Variants in PCDH20 observed in about 807,000 individuals in gnomAD.
PCDH20 encodes protocadherin 20.
Under a neutral mutation model 39.7 loss-of-function variants are expected in PCDH20, and 18 were observed. The observed-to-expected ratio is 0.45, with a 90% confidence interval of 0.31 to 0.67. PCDH20 has a LOEUF of 0.67. Ranked by LOEUF, PCDH20 falls within the 30% of genes least tolerant of loss-of-function variation. PCDH20 has a pLI of 0.05. For synonymous variants in PCDH20, 495 were observed against 455.4 expected (o/e 1.09, Z -1.11); for missense variants, 1,161 against 1,167.4 (o/e 0.99, Z 0.08).
exon 2 of PCDH20, chr13:61,413,623 C>T (rs1226785676): frequency 6.2e-7 from 1 of 1,614,160 alleles, no homozygotes; most frequent in Admixed American, 1.7e-5. Context: ...CCACGCAGTC[C>T]CTCCACCCCC....
chr13:61,414,031 C>T (rs1871482288), intron 1 of PCDH20, 65 bp from the exon 2 acceptor site: 2 of 1,384,302 alleles, frequency 1.4e-6, no homozygotes, highest in African/African-American at 1.4e-5. Flanking sequence ...GAGAGAGAAA[C>T]TAGCGCCCCT....
chr13:61,414,878 C>T (rs907467671), intron 1 of PCDH20, 149 bp downstream of exon 1: 2 of 962,962 alleles, frequency 2.1e-6, no homozygotes, highest in Non-Finnish European at 1.4e-6. Flanking sequence ...AAGGAAGACA[C>T]ATTATCCCAA....
exon 2 of PCDH20, chr13:61,410,336 C>T (rs1878220891): frequency 6.6e-6 from 1 of 152,084 alleles, no homozygotes; most frequent in Non-Finnish European, 1.5e-5. Context: ...CTATAAAAGT[C>T]TAATATATAA....
chr13:61,414,964 G>A, intron 1 of PCDH20, 63 bp downstream of exon 1: 1 of 1,298,128 alleles, frequency 7.7e-7, no homozygotes, highest in East Asian at 3.0e-5. Context: ...CCATCCGAGT[G>A]GGAATTGCTT....
At chr13:61,415,102 C>T (rs114633084) in exon 1 of PCDH20, 26,662 of 1,557,652 alleles carry the variant, frequency 0.017, 398 homozygotes, top group African/African-American at 0.079. Flanking sequence ...GCCAGGTCGC[C>T]GGGCACCAGC....
exon 2 of PCDH20, chr13:61,410,720 G>A (rs1159426140): frequency 1.3e-5 from 2 of 152,584 alleles, no homozygotes; most frequent in Non-Finnish European, 2.9e-5. Flanking sequence ...CTGTTTACAA[G>A]TGCATTTCTT....
exon 2 of PCDH20, chr13:61,410,791 T>C (rs1417012303): frequency 6.6e-6 from 1 of 152,652 alleles, no homozygotes; most frequent in Non-Finnish European, 1.5e-5. Flanking sequence ...ATTTGTTTAA[T>C]GTTAAAAACA....
At chr13:61,414,646 C>G (rs1025160636) in intron 1 of PCDH20, among the ~76,000 whole-genome samples, 3 of 152,162 alleles carry the variant, frequency 2.0e-5, no homozygotes, top group Admixed American at 2.0e-4. Flanking sequence ...TAATCCCCCT[C>G]CCTTAGGGGG....
chr13:61,411,217 T>C, exon 2 of PCDH20: 1 of 1,565,756 alleles, frequency 6.4e-7, no homozygotes, highest in Non-Finnish European at 8.7e-7. Context: ...TTAAAACATT[T>C]CTCTGTGTTA....
exon 2 of PCDH20, chr13:61,413,408 C>T: frequency 6.2e-7 from 1 of 1,614,076 alleles, no homozygotes; most frequent in Non-Finnish European, 8.5e-7. Context: ...GCAGGATGCT[C>T]TATGGCCAGT....
exon 2 of PCDH20, chr13:61,411,870 C>A: frequency 6.2e-7 from 1 of 1,614,016 alleles, no homozygotes; most frequent in Non-Finnish European, 8.5e-7. Context: ...ACTGAGGAAA[C>A]AAAACAAGAG....
At chr13:61,410,786 T>C (rs1313973098) in exon 2 of PCDH20, 1 of 152,632 alleles carries the variant, frequency 6.6e-6, no homozygotes, top group African/African-American at 2.4e-5. Flanking sequence ...TTCATATTTG[T>C]TTAATGTTAA....
exon 1 of PCDH20, chr13:61,415,234 G>A (rs1262514640): frequency 5.4e-6 from 7 of 1,284,782 alleles, no homozygotes; most frequent in Non-Finnish European, 2.0e-6. Flanking sequence ...CATGCAAATC[G>A]CTGGGGGAAC....
exon 2 of PCDH20, chr13:61,413,665 T>C: frequency 1.2e-6 from 2 of 1,614,142 alleles, no homozygotes; most frequent in Non-Finnish European, 1.7e-6. Context: ...GTCGATCTCC[T>C]GAGCTGAAGT....
chr13:61,412,949 T>C lies in PCDH20; in HGVS notation c.1150A>G (p.Ser384Gly), dbSNP rs536311720. Residue 384 changes from serine to glycine, a missense_variant, in exon 2 of 2, where the codon AGT (serine) becomes GGT (glycine). This residue lies in a region of PCDH20 where 754 missense variants were observed against 777.5 expected (regional missense o/e 0.97). Transcript: ENST00000409204. The stretch of plus-strand genomic sequence containing the variant: ...TCCAGAACACTTCCTCCAATCTTAC[T>C]GAAAAGTTTAATGACTCCAGTGTTT... The C allele has an allele frequency of 5.9e-5, 96 of 1,614,170 alleles. No homozygotes were observed. The South Asian group carries it at 1.0e-3, about 17-fold the overall frequency.
At chr13:61,414,906 G>T in intron 1 of PCDH20, 121 bp downstream of exon 1, 1 of 1,193,152 alleles carries the variant, frequency 8.4e-7, no homozygotes, top group Middle Eastern at 2.2e-4. Flanking sequence ...TTCCCTCCCG[G>T]CGCCATCCTT....
Position 61,414,053 on chromosome 13 carries a change from T to A in PCDH20, c.133-87A>T, listed in dbSNP as rs755122280. Reference sequence around the variant, plus strand: ...AAACTAGCGCCCCTGTGATCCTTGCTGTCCCCATCCCCGTTCCCAGAAGCA... The same window carrying A: ...AAACTAGCGCCCCTGTGATCCTTGCAGTCCCCATCCCCGTTCCCAGAAGCA... On this transcript the variant is annotated intron_variant, in intron 1 of 1. Coordinates refer to ENST00000409204, the Ensembl canonical transcript of PCDH20. 13 of 1,227,604 alleles carry A rather than the reference T, an allele frequency of 1.1e-5. No homozygotes were observed. In the Admixed American group the frequency reaches 1.6e-4, roughly 15 times the overall value. The allele number at this position is 1,227,604 out of a possible 1,614,324, so 76.0% of individuals were successfully genotyped here.
chr13:61,412,194 G>A (rs1878260164), exon 2 of PCDH20: 1 of 1,614,154 alleles, frequency 6.2e-7, no homozygotes, highest in Non-Finnish European at 8.5e-7. Flanking sequence ...ACCGAGGACT[G>A]TTGTCATTTT....
At chr13:61,413,827 A>C in exon 2 of PCDH20, 1 of 1,612,954 alleles carries the variant, frequency 6.2e-7, no homozygotes, top group East Asian at 2.2e-5. Context: ...CCTGGGCAGC[A>C]GCCGCAGGTC....
Sources: allele counts gnomAD v4.1 joint callset (sites outside exome capture counted in the v4.1 genomes callset), GRCh38; gene constraint gnomAD v4.1.1; regional missense constraint gnomAD v4.1.1; transcripts MANE v1.5; gene names NCBI Gene and HGNC (gene_info 2026-07-23, HGNC 2026-07-21).